The following SATB1 variants were observed in gnomAD, a reference collection of about 807,000 sequenced individuals.
SATB1 encodes the protein SATB homeobox 1.
A neutral mutation model predicts 86.9 loss-of-function variants in SATB1; 11 were observed. The observed-to-expected ratio is 0.13, with a 90% CI of 0.08 to 0.21. The LOEUF (loss-of-function observed/expected upper bound fraction) is 0.21, where lower values mean the gene tolerates loss of function less well. Ranked by LOEUF, SATB1 falls within the 10% of genes least tolerant of loss-of-function variation. The pLI is 1.00. For missense variants in SATB1, 551 were observed against 937.6 expected, an observed-to-expected ratio of 0.59 and a Z score of 5.39; for synonymous variants, 357 against 357.2, an observed-to-expected ratio of 1.00 and a Z score of 0.01.
At chr3:18,384,969 G>A (rs1351394142) in intron 8 of SATB1, among the ~76,000 whole-genome samples, 1 of 152,078 alleles carries the variant, frequency 6.6e-6, no homozygotes, top group African/African-American at 2.4e-5. Context: ...AGACCAGATT[G>A]ATTTTCATTA....
upstream of SATB1, among the ~76,000 whole-genome samples, chr3:18,441,436 GC>G (rs1287167175): frequency 6.6e-6 from 1 of 152,040 alleles, no homozygotes; most frequent in African/African-American, 2.4e-5. Flanking sequence ...AAACATTTTT[GC>G]ATTCAACTAC....
chr3:18,398,347 T>C (rs1460752388), intron 5 of SATB1, among the ~76,000 whole-genome samples: 1 of 152,010 alleles, frequency 6.6e-6, no homozygotes, highest in African/African-American at 2.4e-5. Context: ...GTCTTAGGAG[T>C]AAGATTTTGT....
At chr3:18,408,548 G>C (rs1697666579) in intron 5 of SATB1, 1 of 151,952 alleles carries the variant, frequency 6.6e-6, no homozygotes, top group South Asian at 2.1e-4. Context: ...TGCAGAACCA[G>C]GGCTGAGGCT....
chr3:18,374,036 T>C (rs1361977306), intron 9 of SATB1, among the ~76,000 whole-genome samples: 1 of 152,178 alleles, frequency 6.6e-6, no homozygotes, highest in Non-Finnish European at 1.5e-5. Flanking sequence ...TAAGCACAAG[T>C]GATGATGCAG....
chr3:18,398,656 G>C (rs1697087168), intron 5 of SATB1, among the ~76,000 whole-genome samples: 2 of 152,130 alleles, frequency 1.3e-5, no homozygotes, highest in South Asian at 4.1e-4. Context: ...AGAACTTCCA[G>C]TGAAGGATAA....
chr3:18,351,536 C>T, intron 10 of SATB1: 1 of 655,478 alleles, frequency 1.5e-6, no homozygotes, highest in Non-Finnish European at 2.6e-6. Flanking sequence ...TTAAGCTTCC[C>T]TCCCCTCCTC....
At position 18,347,128 on chromosome 3, in the gene SATB1, C is replaced by T. The variant is rs68076437; in HGVS notation, c.*2042G>A. 0.53 allele frequency: 79,759 copies of T among 151,878 alleles called. 23,077 individuals are homozygous for T. The highest frequency in any genetic ancestry group is 0.77 in the East Asian group (3,957 of 5,156). The allele number at this position is 151,878 out of a possible 1,614,324, so 9.4% of individuals were successfully genotyped here. A position where few individuals can be genotyped will look rare whatever the true frequency, so the allele number is the denominator to read the frequency against. On this transcript the variant is annotated 3_prime_UTR_variant, in exon 11 of 11. Transcript: ENST00000338745. ...CAGTTTCTAAAGTACAAGTTCAACA[C>T]TAAAGCAGCCCAGTTGCCTACCAAT...
At chr3:18,417,586 A>G (rs548784756) in intron 2 of SATB1, 5 of 654,102 alleles carry the variant, frequency 7.6e-6, no homozygotes, top group African/African-American at 1.8e-5. Context: ...TTTTTTAGAT[A>G]TTAACTCTAA....
At chr3:18,383,440 G>A (rs1011344232) in intron 8 of SATB1, among the ~76,000 whole-genome samples, 1 of 152,136 alleles carries the variant, frequency 6.6e-6, no homozygotes, top group Non-Finnish European at 1.5e-5. Flanking sequence ...ATGGGGGCTG[G>A]GTTTTCTGTG....
At chr3:18,367,282 A>G (rs1047041937) in intron 9 of SATB1, among the ~76,000 whole-genome samples, 3 of 152,210 alleles carry the variant, frequency 2.0e-5, no homozygotes, top group African/African-American at 7.2e-5. Flanking sequence ...CATGCCCTCT[A>G]GTTCCTTTCA....
intron 9 of SATB1, among the ~76,000 whole-genome samples, chr3:18,377,152 T>C (rs1353203030): frequency 2.0e-5 from 3 of 152,230 alleles, no homozygotes; most frequent in Non-Finnish European, 4.4e-5. Flanking sequence ...ATTATTATGT[T>C]ACAAATATAT....
At chr3:18,421,637 G>C (rs1011045948) in intron 1 of SATB1, among the ~76,000 whole-genome samples, 1 of 152,256 alleles carries the variant, frequency 6.6e-6, no homozygotes, top group African/African-American at 2.4e-5. Flanking sequence ...TTGGGCCAAA[G>C]ATGTGATTGG....
rs1694191880 is a variant in SATB1, at chr3:18,348,779, G to C, written c.*391C>G. ...GGGGCAAGTTTCCAAAGATCAGTGT[G>C]GAGTGCTACAGAAATAATTATAGGA... On this transcript the variant is annotated 3_prime_UTR_variant, in exon 11 of 11. Transcript: ENST00000338745. 5.7e-6 allele frequency: 1 copy of C among 174,650 alleles called. No homozygotes were observed. Among genetic ancestry groups the C allele is most frequent in the African/African-American group, 2.4e-5 (1 of 41,110 alleles). 10.8% of individuals were successfully genotyped at this position (174,650 alleles called of 1,614,324 possible). A position where few individuals can be genotyped will look rare whatever the true frequency, so the allele number is the denominator to read the frequency against.
At position 18,425,075 on chromosome 3, in the gene SATB1, C is replaced by G. The variant is rs1447899890; in HGVS notation, c.-1473G>C. On this transcript the variant is annotated 5_prime_UTR_variant, in exon 1 of 11. Coordinates refer to ENST00000338745, the MANE Select transcript of SATB1 (RefSeq NM_002971.6). Reference sequence around the variant, plus strand: ...TGACTCATCCCGGCCGCTGTCGCTGCCGCCGCCGTGCCCCGCTCGGCTCCG... The same window carrying G: ...TGACTCATCCCGGCCGCTGTCGCTGGCGCCGCCGTGCCCCGCTCGGCTCCG... 1 of 158,452 alleles carries G rather than the reference C, an allele frequency of 6.3e-6. No homozygotes were observed. Among genetic ancestry groups the G allele is most frequent in the African/African-American group, 2.4e-5 (1 of 41,490 alleles). 9.8% of individuals were successfully genotyped at this position (158,452 alleles called of 1,614,324 possible). A position where few individuals can be genotyped will look rare whatever the true frequency, so the allele number is the denominator to read the frequency against.
In SATB1 at chr3:18,423,827, C is replaced by G. The variant is rs753843838; in HGVS notation, c.-225G>C. 8.6e-5 allele frequency: 13 copies of G among 151,788 alleles called. No homozygotes were observed. The highest frequency in any genetic ancestry group is 1.6e-4 in the Non-Finnish European group (11 of 67,926). The allele number at this position is 151,788 out of a possible 1,614,324, so 9.4% of individuals were successfully genotyped here. On this transcript the variant is annotated 5_prime_UTR_variant, in exon 1 of 11. Coordinates refer to ENST00000338745, the MANE Select transcript of SATB1 (RefSeq NM_002971.6). Reference sequence around the variant, plus strand: ...TTTTCCTTTCCCCTACCCCCGCCCCCCTAAGCGGGGGAAGGGCAGAAATAA... The same window carrying G: ...TTTTCCTTTCCCCTACCCCCGCCCCGCTAAGCGGGGGAAGGGCAGAAATAA...
At chr3:18,405,088 G>A (rs1020107214) in intron 5 of SATB1, among the ~76,000 whole-genome samples, 2 of 151,884 alleles carry the variant, frequency 1.3e-5, no homozygotes, top group African/African-American at 2.4e-5. Context: ...GGAAGGTTAC[G>A]ACCCCATTGG....
intron 9 of SATB1, among the ~76,000 whole-genome samples, chr3:18,377,474 GAC>G (rs879371897): frequency 2.6e-5 from 4 of 152,238 alleles, no homozygotes; most frequent in South Asian, 2.1e-4. Context: ...ATTAATATTT[GAC>G]AGTTATGCTG....
At chr3:18,436,333 C>T (rs1409667416) in intron 2 of SATB1, among the ~76,000 whole-genome samples, 1 of 151,976 alleles carries the variant, frequency 6.6e-6, no homozygotes, top group Non-Finnish European at 1.5e-5. Context: ...TCTGGAATAT[C>T]AGAAGGATGG....
chr3:18,425,736 G>A (rs998821117), upstream of SATB1, among the ~76,000 whole-genome samples: 1 of 151,784 alleles, frequency 6.6e-6, no homozygotes, highest in East Asian at 2.0e-4. Context: ...AGGAGGAGAG[G>A]GGGCTTCCCT....
Sources: allele counts gnomAD v4.1 joint callset (sites outside exome capture counted in the v4.1 genomes callset), GRCh38; gene constraint gnomAD v4.1.1; transcripts MANE v1.5; gene names NCBI Gene and HGNC (gene_info 2026-07-23, HGNC 2026-07-21).